WDR62: variants seen among roughly 807,000 people sequenced by gnomAD.
WDR62 encodes the protein WD repeat-containing protein 62.
Under a neutral mutation model 160.6 loss-of-function variants are expected in WDR62, and 112 were observed. That is an observed-to-expected ratio of 0.70 (90% confidence interval 0.60 to 0.82). WDR62 has a LOEUF of 0.82. Among genes scored for constraint, WDR62 ranks in the 40% least tolerant of loss-of-function variants. The pLI is 0.00. For missense variants in WDR62, 1,819 were observed against 1,983.8 expected (o/e 0.92, Z 1.58); for synonymous variants, 792 against 815.1 (o/e 0.97, Z 0.48).
intron 20 of WDR62, among the ~76,000 whole-genome samples, chr19:36,094,392 A>G (rs1488181497): frequency 2.6e-5 from 4 of 151,856 alleles, no homozygotes; most frequent in African/African-American, 9.7e-5. Flanking sequence ...CGTCTCAACT[A>G]AAAATACAAA....
intron 6 of WDR62, 129 bp downstream of exon 6, chr19:36,067,572 C>A: frequency 7.4e-7 from 1 of 1,353,170 alleles, no homozygotes; most frequent in Non-Finnish European, 1.0e-6. Flanking sequence ...AGGGGCCCAG[C>A]TGCTGCTTCT....
At chr19:36,071,397 C>T (rs1034621686) in intron 7 of WDR62, among the ~76,000 whole-genome samples, 159 bp from the exon 8 acceptor site, 7 of 152,254 alleles carry the variant, frequency 4.6e-5, no homozygotes, top group South Asian at 2.1e-4. Flanking sequence ...TATGCTATAT[C>T]CTGATTTCAC....
Position 36,105,040 on chromosome 19 carries a change from C to T in WDR62, c.*12C>T, listed in dbSNP as rs1391297346. On this transcript the variant is annotated 3_prime_UTR_variant, in exon 32 of 32. Transcript: ENST00000401500. ...CACGGGGGCACTGAGGGCGCAGCCC[C>T]TCCACCGCAGCCCTGCTGCTTCTGA... 1 of 1,589,266 alleles carries T rather than the reference C, an allele frequency of 6.3e-7. No individual in the cohort carries two copies. Among genetic ancestry groups the T allele is most frequent in the Non-Finnish European group, 8.5e-7 (1 of 1,175,546 alleles).
rs141847112 is a variant in WDR62, at chr19:36,071,562, C to G, written c.889C>G (p.Leu297Val). 6.2e-7 allele frequency: 1 copy of G among 1,614,238 alleles called. No individual in the cohort carries two copies. Among genetic ancestry groups the G allele is most frequent in the East Asian group, 2.2e-5 (1 of 44,892 alleles). ...GTCCCTTTTGCCCCTACAGGTCTCCCTGTCTTCCTGCCTCTGTGTCAGCCA... is the reference window on the plus strand; with the variant it reads ...GTCCCTTTTGCCCCTACAGGTCTCCGTGTCTTCCTGCCTCTGTGTCAGCCA... Reference protein sequence around the residue: ...LEKWINLKVSLSSCLCVSQEL... With the variant: ...LEKWINLKVSVSSCLCVSQEL... Residue 297 changes from leucine to valine, a missense_variant, in exon 8 of 32, where the codon CTG becomes GTG. This residue lies in a region of WDR62 where 934 missense variants were observed against 1,157.2 expected (regional missense o/e 0.81). Transcript: ENST00000401500.
At chr19:36,059,113 T>G (rs1970515897) in intron 2 of WDR62, 2 of 654,548 alleles carry the variant, frequency 3.1e-6, no homozygotes, top group Non-Finnish European at 5.8e-6. Flanking sequence ...TGACAGCGAT[T>G]CTGGGAAAGA....
At chr19:36,085,080 A>G (rs1972132120) in intron 12 of WDR62, among the ~76,000 whole-genome samples, 1 of 152,170 alleles carries the variant, frequency 6.6e-6, no homozygotes, top group Non-Finnish European at 1.5e-5. Context: ...AAATATTGGG[A>G]GAATATTATA....
intron 1 of WDR62, among the ~76,000 whole-genome samples, chr19:36,056,618 C>G (rs1184430357): frequency 2.6e-5 from 4 of 152,128 alleles, no homozygotes; most frequent in Non-Finnish European, 5.9e-5. Flanking sequence ...ACTTCATAGC[C>G]TTTATCTTAT....
chr19:36,099,736 G>A, intron 22 of WDR62, 119 bp downstream of exon 22: 1 of 1,026,608 alleles, frequency 9.7e-7, no homozygotes, highest in Non-Finnish European at 1.5e-6. Context: ...GATGGTGAAG[G>A]GCAGGAGGGT....
chr19:36,106,560 C>T (rs1234745095), downstream of WDR62, among the ~76,000 whole-genome samples: 6 of 152,016 alleles, frequency 3.9e-5, no homozygotes, highest in East Asian at 7.7e-4. Context: ...GAAGGCCTTT[C>T]GAGGTGACAT....
downstream of WDR62, among the ~76,000 whole-genome samples, chr19:36,109,063 G>A (rs953802525): frequency 1.6e-4 from 24 of 152,056 alleles, no homozygotes; most frequent in South Asian, 6.2e-4. Context: ...GAGAGCAAGC[G>A]GAAATGCATG....
chr19:36,106,515 A>G (rs1311104350), downstream of WDR62, among the ~76,000 whole-genome samples: 1 of 152,158 alleles, frequency 6.6e-6, no homozygotes, highest in African/African-American at 2.4e-5. Flanking sequence ...AATTCTAGAT[A>G]GGTTGGGGAG....
rs146485488 is a variant in WDR62 at position 36,066,343 on chromosome 19, G to T, written c.477G>T (p.Ala159=). 1.2e-6 allele frequency: 2 copies of T among 1,614,004 alleles called. No individual in the cohort carries two copies. The highest frequency in any genetic ancestry group is 2.2e-5 in the East Asian group (1 of 44,902). ...TGCTAGGCCACAAGTATGGTGTGGCGTGTGTGGCCTTCTCACCCAATATGA... is the reference window on the plus strand; with the variant it reads ...TGCTAGGCCACAAGTATGGTGTGGCTTGTGTGGCCTTCTCACCCAATATGA... The part of the protein sequence containing the change: ...AEMLGHKYGV[A]CVAFSPNMKH... Residue 159 remains alanine (A), a synonymous_variant, in exon 5 of 32, where the codon GCG becomes GCT. Transcript: ENST00000401500.
At position 36,100,620 on chromosome 19, in the gene WDR62, G is replaced by A. The variant is rs188225439; in HGVS notation, c.2740-128G>A. The A allele has an allele frequency of 9.5e-4, 1,331 of 1,402,520 alleles. 15 individuals are homozygous for A. Among genetic ancestry groups the A allele is most frequent in the Non-Finnish European group, 1.3e-4 (133 of 1,005,330 alleles). 86.9% of individuals were successfully genotyped at this position (1,402,520 alleles called of 1,614,324 possible). On this transcript the variant is annotated intron_variant, in intron 22 of 31. Coordinates refer to ENST00000401500, the MANE Select transcript of WDR62 (RefSeq NM_001083961.2). ...GGGCAGACCAGGACAAGCTGGTTGC[G>A]AGTGGAGGGCATGGCACAGGCCCTG...
intron 3 of WDR62, chr19:36,062,711 C>CAA (rs370019982): frequency 1.5e-5 from 2 of 132,174 alleles, no homozygotes; most frequent in African/African-American, 5.7e-5. Context: ...GTATTTCCTA[C>CAA]AAAAAAAAAT....
intron 7 of WDR62, among the ~76,000 whole-genome samples, chr19:36,069,477 GC>G (rs1971160288): frequency 1.3e-5 from 2 of 152,168 alleles, no homozygotes; most frequent in Admixed American, 1.3e-4. Context: ...CGGAATGGCA[GC>G]CGGGAAGAGG....
chr19:36,083,916 C>T (rs1203086376), intron 11 of WDR62, among the ~76,000 whole-genome samples: 3 of 152,062 alleles, frequency 2.0e-5, no homozygotes, highest in Non-Finnish European at 2.9e-5. Context: ...CTGTGAAATT[C>T]GATAATTTTT....
downstream of WDR62, among the ~76,000 whole-genome samples, chr19:36,109,463 A>G (rs564305025): frequency 1.3e-5 from 2 of 152,204 alleles, no homozygotes; most frequent in African/African-American, 4.8e-5. Context: ...GCCAGGCGCA[A>G]TGGCTCACGC....
At chr19:36,082,705 C>T (rs1046734580) in intron 10 of WDR62, among the ~76,000 whole-genome samples, 3 of 152,132 alleles carry the variant, frequency 2.0e-5, no homozygotes, top group Non-Finnish European at 4.4e-5. Context: ...TGCAGGAAGC[C>T]CTTAGGGATC....
At chr19:36,097,171 C>A in intron 21 of WDR62, 92 bp downstream of exon 21, 1 of 1,247,738 alleles carries the variant, frequency 8.0e-7, no homozygotes, top group Non-Finnish European at 1.2e-6. Context: ...TTTCCATGTC[C>A]CTCTTTTCCC....
Sources: gnomAD v4.1 joint callset for allele counts (sites outside exome capture counted in the v4.1 genomes callset) on GRCh38, gnomAD v4.1.1 for gene constraint, gnomAD v4.1.1 regional missense constraint, MANE v1.5 for transcripts, NCBI Gene and HGNC (gene_info 2026-07-23, HGNC 2026-07-21) for gene names.